The following TTC19 variants were observed in gnomAD, a reference collection of about 807,000 sequenced individuals.
The protein encoded by TTC19 is tetratricopeptide repeat domain 19.
In TTC19, 38 loss-of-function variants were observed where a neutral mutation model predicts 49.5. The ratio of observed to expected loss-of-function variants is 0.77; its 90% CI spans 0.59 to 1.01. TTC19 has a LOEUF of 1.01. Ranked by LOEUF, TTC19 falls within the 50% of genes least tolerant of loss-of-function variation. The probability of loss-of-function intolerance (pLI) is 0.00; values close to 1 mark genes in which losing one functional copy is unlikely to be tolerated. For missense variants in TTC19, 475 were observed against 477.7 expected, an observed-to-expected ratio of 0.99 and a Z score of 0.05; for synonymous variants, 204 against 185.2, an observed-to-expected ratio of 1.10 and a Z score of -0.83.
chr17:16,009,325 G>C (rs1971000553), intron 7 of TTC19, among the ~76,000 whole-genome samples: 1 of 152,176 alleles, frequency 6.6e-6, no homozygotes, highest in African/African-American at 2.4e-5. Context: ...ACTGAAGAAA[G>C]TTTAGAAAAG....
intron 7 of TTC19, among the ~76,000 whole-genome samples, chr17:16,021,162 C>T (rs1040332460): frequency 3.9e-5 from 6 of 152,026 alleles, no homozygotes; most frequent in Non-Finnish European, 8.8e-5. Context: ...CCAAGGCGGG[C>T]GGATCATGAG....
At chr17:16,019,899 G>A (rs1971321422) in intron 7 of TTC19, among the ~76,000 whole-genome samples, 1 of 151,410 alleles carries the variant, frequency 6.6e-6, no homozygotes, top group Non-Finnish European at 1.5e-5. Flanking sequence ...GGCTGAGGCA[G>A]GCAGATCATT....
intron 2 of TTC19, among the ~76,000 whole-genome samples, chr17:16,001,179 C>T (rs575336465): frequency 6.6e-6 from 1 of 152,104 alleles, no homozygotes; most frequent in Non-Finnish European, 1.5e-5. Flanking sequence ...ATTATGTCAT[C>T]TCCTTGTCAG....
At position 16,039,611 on chromosome 17, in the gene TTC19, A is replaced by G. The variant is rs771721292; in HGVS notation, c.248-4892A>G. 106 of 1,614,032 alleles carry G rather than the reference A, an allele frequency of 6.6e-5. No homozygotes were observed. In the South Asian group the frequency reaches 1.1e-3, roughly 17 times the overall value. On this transcript the variant is annotated intron_variant, in intron 2 of 2. Coordinates refer to the TTC19 transcript ENST00000470649. ...TGATAATGTCTTCCAGCCCAAGATT[A>G]CTGGCAGGATCAGCAAAAGAATGGC...
chr17:16,035,007 A>T, intron 2 of TTC19: 1 of 1,492,404 alleles, frequency 6.7e-7, no homozygotes, highest in Non-Finnish European at 9.2e-7. Flanking sequence ...CCAAAATGCT[A>T]ATGATTATAT....
At chr17:16,013,457 A>C (rs1252086665) in intron 7 of TTC19, among the ~76,000 whole-genome samples, 1 of 152,176 alleles carries the variant, frequency 6.6e-6, no homozygotes, top group Non-Finnish European at 1.5e-5. Context: ...TTGAAATTGT[A>C]TGCATTCTCA....
At chr17:16,027,026 GA>G in intron 9 of TTC19, 1 of 512,888 alleles carries the variant, frequency 1.9e-6, no homozygotes, top group Admixed American at 3.2e-5. Flanking sequence ...GTGTGCTGGT[GA>G]AGCTTTATGA....
At position 16,028,842 on chromosome 17, in the gene TTC19, A is replaced by AAAAAAAAC; in HGVS notation, c.*1324_*1325insAAACAAAA. On this transcript the variant is annotated 3_prime_UTR_variant, in exon 10 of 10. Coordinates refer to ENST00000261647, the MANE Select transcript of TTC19 (RefSeq NM_017775.4). Reference sequence around the variant, plus strand: ...TCAAAAAAAAAAAAAAAAAAAAAAAAAAAACTTTCTGAAGAAAATAAAAAC... The same window carrying AAAAAAAAC: ...TCAAAAAAAAAAAAAAAAAAAAAAAAAAAAAAACAAAACTTTCTGAAGAAAATAAAAAC... The AAAAAAAAC allele has an allele frequency of 2.6e-6, 1 of 378,386 alleles. No individual in the cohort carries two copies. Among genetic ancestry groups the AAAAAAAAC allele is most frequent in the South Asian group, 1.9e-5 (1 of 51,946 alleles). 23.4% of individuals were successfully genotyped at this position (378,386 alleles called of 1,614,324 possible).
intron 6 of TTC19, among the ~76,000 whole-genome samples, chr17:16,005,894 T>A (rs1342868551): frequency 6.6e-6 from 1 of 152,142 alleles, no homozygotes; most frequent in Non-Finnish European, 1.5e-5. Flanking sequence ...TAGTGGGAGA[T>A]GATGAATACT....
At chr17:16,037,372 A>G (rs1567632969) in intron 2 of TTC19, among the ~76,000 whole-genome samples, 1 of 152,154 alleles carries the variant, frequency 6.6e-6, no homozygotes, top group Non-Finnish European at 1.5e-5. Context: ...AATAATGCTG[A>G]TAGACTTGCT....
chr17:16,037,653 C>A (rs1371211871), intron 2 of TTC19, among the ~76,000 whole-genome samples: 3 of 152,174 alleles, frequency 2.0e-5, no homozygotes, highest in Admixed American at 6.5e-5. Flanking sequence ...CCTTTCCCAA[C>A]TGGAATTAAT....
intron 2 of TTC19, among the ~76,000 whole-genome samples, chr17:16,043,270 A>G (rs1311810350): frequency 6.6e-6 from 1 of 152,228 alleles, no homozygotes. Flanking sequence ...AGCTGAAGTG[A>G]AGCTGTGTTG....
rs1279149711 is a variant in TTC19 at position 16,024,677 on chromosome 17, T to C, written c.677-340T>C. On this transcript the variant is annotated intron_variant, in intron 7 of 9. Coordinates refer to ENST00000261647, the MANE Select transcript of TTC19 (RefSeq NM_017775.4). ...TTCTGAGTGTTCTCTGTCTTCTTCC[T>C]GCATTGTTTTTCTTATACCATACAG... The C allele has an allele frequency of 2.5e-5, 8 of 323,426 alleles. No individual in the cohort carries two copies. The East Asian group carries it at 4.2e-4, about 17-fold the overall frequency. The allele number at this position is 323,426 out of a possible 1,614,324, so 20.0% of individuals were successfully genotyped here.
chr17:16,041,807 G>A (rs1307574128), intron 2 of TTC19, among the ~76,000 whole-genome samples: 2 of 151,856 alleles, frequency 1.3e-5, no homozygotes, highest in Non-Finnish European at 2.9e-5. Flanking sequence ...TGCGATCTTG[G>A]CTCACTGCAA....
chr17:16,011,175 C>CTT (rs931658918), intron 7 of TTC19, among the ~76,000 whole-genome samples: 1 of 151,986 alleles, frequency 6.6e-6, no homozygotes. Flanking sequence ...TCTTCATCTT[C>CTT]TTTTTTTTGT....
downstream of TTC19, chr17:16,032,598 A>T: frequency 2.0e-6 from 2 of 984,100 alleles, no homozygotes; most frequent in African/African-American, 3.3e-5. Context: ...ATGTGACACC[A>T]TGAAAGCAAA....
intron 7 of TTC19, among the ~76,000 whole-genome samples, chr17:16,011,170 ATCT>A (rs1353115952): frequency 1.3e-5 from 2 of 152,034 alleles, no homozygotes; most frequent in Non-Finnish European, 2.9e-5. Context: ...TTCAGTCTTC[ATCT>A]TCTTTTTTTT....
At chr17:16,039,828 G>A (rs940873474) in intron 2 of TTC19, 6 of 612,088 alleles carry the variant, frequency 9.8e-6, no homozygotes, top group South Asian at 2.0e-5. Flanking sequence ...TCTCTCTGTC[G>A]CACCCAGGCT....
intron 2 of TTC19, among the ~76,000 whole-genome samples, chr17:16,001,402 CCT>C (rs1250965241): frequency 3.9e-5 from 6 of 152,086 alleles, no homozygotes; most frequent in African/African-American, 1.4e-4. Flanking sequence ...CATTCTCTAC[CCT>C]CTGTTTGAGT....
Sources: allele counts gnomAD v4.1 joint callset (sites outside exome capture counted in the v4.1 genomes callset), GRCh38; gene constraint gnomAD v4.1.1; transcripts MANE v1.5; gene names NCBI Gene and HGNC (gene_info 2026-07-23, HGNC 2026-07-21).